Variants in CYFIP2 observed in about 807,000 individuals in gnomAD.
The protein encoded by CYFIP2 is cytoplasmic FMR1-interacting protein 2.
A neutral mutation model predicts 158.7 loss-of-function variants in CYFIP2; 29 were observed. That is an observed-to-expected ratio of 0.18 (90% confidence interval 0.14 to 0.25). The LOEUF is 0.25. CYFIP2 is among the 10% of genes least tolerant of loss of function. The pLI is 1.00. For missense variants in CYFIP2, 852 were observed against 1,639.5 expected (o/e 0.52, Z 8.29); for synonymous variants, 585 against 617.6 (o/e 0.95, Z 0.78).
chr5:157,271,545 G>A (rs759071494), intron 1 of CYFIP2: 9 of 152,130 alleles, frequency 5.9e-5, no homozygotes, highest in Non-Finnish European at 1.2e-4. Flanking sequence ...TTGAACCCTC[G>A]CCTCACATAC....
At chr5:157,360,406 A>C (rs375807584) in intron 25 of CYFIP2, 34 bp downstream of exon 25, 11 of 1,539,132 alleles carry the variant, frequency 7.1e-6, no homozygotes, top group African/African-American at 1.4e-5. Flanking sequence ...GACCCCTCCC[A>C]TGGTGGGGAG....
chr5:157,307,548 A>T (rs1164997963), intron 8 of CYFIP2, among the ~76,000 whole-genome samples: 1 of 152,144 alleles, frequency 6.6e-6, no homozygotes, highest in African/African-American at 2.4e-5. Context: ...GTAGTAATAC[A>T]CTAAATTTCT....
chr5:157,333,187 G>A, intron 20 of CYFIP2, 140 bp from the exon 21 acceptor site: 1 of 1,030,458 alleles, frequency 9.7e-7, no homozygotes, highest in Admixed American at 2.1e-5. Flanking sequence ...CAGGCTGGTT[G>A]GAGTTTCTCC....
chr5:157,393,052 G>A lies in CYFIP2; in HGVS notation c.*52G>A, dbSNP rs199652534. ...GGAGGAGGAAGAGAAGCAGGAGAGA[G>A]AAAGCCACAGCCAGCCTGCCATAGG... On this transcript the variant is annotated 3_prime_UTR_variant, in exon 31 of 31. Coordinates refer to ENST00000620254, the MANE Select transcript of CYFIP2 (RefSeq NM_001037333.3). The A allele has an allele frequency of 1.3e-6, 2 of 1,591,898 alleles. No individual in the cohort carries two copies. Among genetic ancestry groups the A allele is most frequent in the African/African-American group, 1.3e-5 (1 of 74,380 alleles).
Position 157,311,865 on chromosome 5 carries a change from A to G in CYFIP2, c.1110+84A>G. The G allele has an allele frequency of 1.6e-6, 2 of 1,273,200 alleles. No homozygotes were observed. Among genetic ancestry groups the G allele is most frequent in the South Asian group, 1.3e-5 (1 of 75,140 alleles). 78.9% of individuals were successfully genotyped at this position (1,273,200 alleles called of 1,614,324 possible). ...AGCAGCCAGGAAAGAACATGGACCC[A>G]CGGAACACTGGAGAGTAGAAGGGAG... On this transcript the variant is annotated intron_variant, in intron 11 of 30. Coordinates refer to ENST00000620254, the MANE Select transcript of CYFIP2 (RefSeq NM_001037333.3). This position sits in a 1 kb window ranked among gnomAD's most constrained non-coding sequence, Gnocchi z 4.7.
chr5:157,278,923 C>A (rs921325315), intron 1 of CYFIP2, among the ~76,000 whole-genome samples: 3 of 152,168 alleles, frequency 2.0e-5, no homozygotes, highest in African/African-American at 7.2e-5. Context: ...AAAAAAGTAA[C>A]CTGAAGTAAC....
intron 9 of CYFIP2, 76 bp downstream of exon 9, chr5:157,307,941 A>C: frequency 1.2e-6 from 1 of 803,262 alleles, no homozygotes; most frequent in East Asian, 2.7e-5. Context: ...AAAGGGATGA[A>C]ATGAGCCAGA....
chr5:157,392,785 A>AC (rs1205883081), intron 30 of CYFIP2, 48 bp from the exon 31 acceptor site: 1 of 1,596,092 alleles, frequency 6.3e-7, no homozygotes, highest in Non-Finnish European at 8.6e-7. Context: ...CCCTCTTTCC[A>AC]CCCCCACTTT....
intron 5 of CYFIP2, among the ~76,000 whole-genome samples, chr5:157,299,245 G>A (rs1032468423): frequency 2.2e-4 from 34 of 152,056 alleles, no homozygotes; most frequent in Non-Finnish European, 1.5e-5. Flanking sequence ...TGTCTCCCCA[G>A]CTCAAGCATT....
At chr5:157,367,777 C>T (rs1441754435) in intron 26 of CYFIP2, among the ~76,000 whole-genome samples, 2 of 98,674 alleles carry the variant, frequency 2.0e-5, no homozygotes, top group Non-Finnish European at 4.0e-5. Flanking sequence ...TTTTTTAAGA[C>T]AGAGTCTCAC....
chr5:157,364,804 C>G (rs1764213797), intron 26 of CYFIP2: 1 of 151,386 alleles, frequency 6.6e-6, no homozygotes, highest in South Asian at 2.1e-4. Context: ...ACCAATTCTT[C>G]TCAATGAAAG....
intron 1 of CYFIP2, among the ~76,000 whole-genome samples, chr5:157,270,642 A>T (rs1177879985): frequency 1.3e-5 from 2 of 152,236 alleles, no homozygotes; most frequent in African/African-American, 4.8e-5. Context: ...CAAGTCTGTT[A>T]TACTTCCATA....
chr5:157,296,517 C>T (rs1305074015), intron 4 of CYFIP2, 156 bp from the exon 5 acceptor site: 2 of 668,518 alleles, frequency 3.0e-6, no homozygotes, highest in African/African-American at 1.8e-5. Flanking sequence ...TCACTTGAGC[C>T]TGGGAGGTTG....
rs910408856 is a variant in CYFIP2 at position 157,311,133 on chromosome 5, C to G, written c.993-531C>G. 4.4e-6 allele frequency: 2 copies of G among 453,302 alleles called. No individual in the cohort carries two copies. The allele number at this position is 453,302 out of a possible 1,614,324, so 28.1% of individuals were successfully genotyped here. A position where few individuals can be genotyped will look rare whatever the true frequency, so the allele number is the denominator to read the frequency against. On this transcript the variant is annotated intron_variant, in intron 10 of 30. Transcript: ENST00000620254. The surrounding 1 kb of genome is among the most constrained non-coding windows in gnomAD (Gnocchi z 4.7). ...TGGGTGGAGGGAGGGGCCACCCCCA[C>G]GTCTCAGAGTGGCCCTGGCTTCTCC...
At chr5:157,379,455 TATC>T (rs1365296559) in intron 26 of CYFIP2, among the ~76,000 whole-genome samples, 4 of 151,086 alleles carry the variant, frequency 2.6e-5, no homozygotes, top group Non-Finnish European at 5.9e-5. Flanking sequence ...ATTAAAGAAA[TATC>T]ATTCCTACTT....
chr5:157,303,778 G>A (rs1200543755), intron 7 of CYFIP2, among the ~76,000 whole-genome samples: 2 of 151,916 alleles, frequency 1.3e-5, no homozygotes, highest in African/African-American at 2.4e-5. Context: ...TCTAATAGAT[G>A]TTTTTCTACT....
intron 2 of CYFIP2, 100 bp from the exon 3 acceptor site, chr5:157,286,919 A>T: frequency 1.2e-6 from 1 of 806,614 alleles, no homozygotes. Flanking sequence ...TTCCACAGAG[A>T]GCTTGCGTTG....
At chr5:157,373,295 T>C (rs567662823) in intron 26 of CYFIP2, among the ~76,000 whole-genome samples, 2 of 152,352 alleles carry the variant, frequency 1.3e-5, no homozygotes, top group Non-Finnish European at 2.9e-5. Flanking sequence ...AGGGCAAGAC[T>C]GAATCCCACT....
At chr5:157,278,018 A>G (rs967079308) in intron 1 of CYFIP2, among the ~76,000 whole-genome samples, 1 of 152,190 alleles carries the variant, frequency 6.6e-6, no homozygotes, top group Non-Finnish European at 1.5e-5. Flanking sequence ...CAGTAAAAAT[A>G]TGATATTATA....
Sources: gnomAD v4.1 joint callset for allele counts (sites outside exome capture counted in the v4.1 genomes callset) on GRCh38, gnomAD v4.1.1 for gene constraint, Gnocchi (gnomAD v3.1) non-coding constraint, MANE v1.5 for transcripts, NCBI Gene and HGNC (gene_info 2026-07-23, HGNC 2026-07-21) for gene names.